The following LILRB2 variants were observed in gnomAD, a reference collection of about 807,000 sequenced individuals.
LILRB2 encodes leukocyte immunoglobulin like receptor B2.
Under a neutral mutation model 72.7 loss-of-function variants are expected in LILRB2, and 47 were observed. That is an observed-to-expected ratio of 0.65 (90% confidence interval 0.51 to 0.82). The LOEUF is 0.82. LILRB2 is among the 40% of genes least tolerant of loss of function. LILRB2 has a pLI of 0.00. For missense variants in LILRB2, 767 were observed against 764.8 expected, an observed-to-expected ratio of 1.00 and a Z score of -0.03; for synonymous variants, 279 against 313.7, an observed-to-expected ratio of 0.89 and a Z score of 1.17.
In LILRB2 at chr19:54,274,481, T is replaced by C. The variant is rs2080121786; in HGVS notation, c.*202A>G. 3.1e-6 allele frequency: 3 copies of C among 959,240 alleles called. 1 individual carries two copies. The Admixed American group carries it at 8.8e-5, about 28-fold the overall frequency. The allele number at this position is 959,240 out of a possible 1,614,324, so 59.4% of individuals were successfully genotyped here. Reference sequence around the variant, plus strand: ...AACTCATTGATTATTGAGAAGTCTGTTGCTTTAATTAAAAAATGTAGGGAT... The same window carrying C: ...AACTCATTGATTATTGAGAAGTCTGCTGCTTTAATTAAAAAATGTAGGGAT... On this transcript the variant is annotated 3_prime_UTR_variant, in exon 14 of 14. Transcript: ENST00000314446.
At chr19:54,280,419 G>A (rs375763540) in intron 2 of LILRB2, 44 bp downstream of exon 2, 1 of 1,613,916 alleles carries the variant, frequency 6.2e-7, no homozygotes, top group Non-Finnish European at 8.5e-7. Flanking sequence ...TGTGGGGTGA[G>A]GTCCCTCCTA....
At position 54,278,838 on chromosome 19, in the gene LILRB2, C is replaced by T; in HGVS notation, c.929G>A (p.Ser310Asn). ...TGTGATCAGGATGTCCAGGGGGTCG[C>T]TGGGGGCCGAGCACTCAGAGGAGAG... ...HNLSSECSAPSDPLDILITGQ... is the reference protein window; with the variant it reads ...HNLSSECSAPNDPLDILITGQ... The change falls in exon 6 of 14, where the codon AGC becomes AAC. Residue 310 changes from serine to asparagine, a missense_variant. Ser to Asn is a conservative substitution (Grantham distance 46). Around this residue, in one of 3 missense-constraint regions of LILRB2, gnomAD observed 599 missense variants for 568.2 expected, o/e 1.05. Coordinates refer to ENST00000314446, the MANE Select transcript of LILRB2 (RefSeq NM_001080978.4). 6.2e-7 allele frequency: 1 copy of T among 1,612,882 alleles called. No individual in the cohort carries two copies. The highest frequency in any genetic ancestry group is 2.2e-5 in the East Asian group (1 of 44,886).
chr19:54,280,757 C>G, intron 1 of LILRB2: 1 of 779,184 alleles, frequency 1.3e-6, no homozygotes, highest in Non-Finnish European at 2.1e-6. Flanking sequence ...GTAATGGGGT[C>G]TTTCCTGACC....
At chr19:54,277,506 TC>T (rs1198299911) in intron 9 of LILRB2, 43 bp downstream of exon 9, 1 of 1,549,038 alleles carries the variant, frequency 6.5e-7, no homozygotes. Flanking sequence ...CACCCCTGCC[TC>T]CCCGGGACCC....
rs1373829951 is a variant in LILRB2, at chr19:54,275,005, G to A, written c.1648-176C>T. 32 of 1,609,350 alleles carry A rather than the reference G, an allele frequency of 2.0e-5. No individual in the cohort carries two copies. The South Asian group carries it at 3.5e-4, about 18-fold the overall frequency. On this transcript the variant is annotated intron_variant, in intron 13 of 13. Transcript: ENST00000314446. ...GGGAGGAGAGGCCATTTCTCTCCTA[G>A]GTCTGGAGTGTTTCACCGGGGCATA...
At position 54,278,371 on chromosome 19, in the gene LILRB2, T is replaced by C. The variant is rs749585545; in HGVS notation, c.1147A>G (p.Met383Val). The C allele has an allele frequency of 6.2e-7, 1 of 1,614,170 alleles. No individual in the cohort carries two copies. The highest frequency in any genetic ancestry group is 2.2e-5 in the East Asian group (1 of 44,876). Residue 383 changes from methionine (M) to valine (V), a missense_variant, in exon 7 of 14, where the codon ATG becomes GTG. Around this residue, in one of 3 missense-constraint regions of LILRB2, gnomAD observed 599 missense variants for 568.2 expected, o/e 1.05. Transcript: ENST00000314446. ...EYPKYQAEFP[M>V]SPVTSAHAGT... ...GCGTGGGCTGAGGTCACAGGACTCA[T>C]GGGGAATTCAGCCTGGTACTTAGGA...
At position 54,279,604 on chromosome 19, in the gene LILRB2, C is replaced by A. The variant is rs762219135; in HGVS notation, c.399G>T (p.Val133=). The change falls in exon 5 of 14, where the codon GTG becomes GTT. Residue 133 remains valine, a synonymous_variant. Transcript: ENST00000314446. The part of the protein sequence containing the change: ...KPTLSAQPSP[V]VTSGGRVTLQ... ...GGGTCACCCTTCCTCCTGAGGTCAC[C>A]ACAGGGCTGGGCTGGGCTGAGAGGG... 6.2e-7 allele frequency: 1 copy of A among 1,613,988 alleles called. No individual in the cohort carries two copies. The highest frequency in any genetic ancestry group is 1.3e-5 in the African/African-American group (1 of 74,896).
rs1411500675 is a variant in LILRB2 at position 54,278,208 on chromosome 19, A to T, written c.1258+52T>A. The T allele has an allele frequency of 2.5e-5, 40 of 1,604,320 alleles. 1 individual carries two copies. Among genetic ancestry groups the T allele is most frequent in the African/African-American group, 6.7e-5 (5 of 74,664 alleles). ...CCAGCCCAGAGCTCTCCTGGGGGGC[A>T]GGGCCTGAGCTGAGCCTTTGAGCTC... is the stretch of plus-strand genomic sequence containing the variant. On this transcript the variant is annotated intron_variant, in intron 7 of 13. Coordinates refer to ENST00000314446, the MANE Select transcript of LILRB2 (RefSeq NM_001080978.4).
intron 10 of LILRB2, 76 bp downstream of exon 10, chr19:54,276,731 A>T (rs1447029937): frequency 6.5e-7 from 1 of 1,549,724 alleles, no homozygotes; most frequent in Admixed American, 2.0e-5. Flanking sequence ...GCATTTGCCC[A>T]GTGGTTTGGA....
At position 54,277,873 on chromosome 19, in the gene LILRB2, G is replaced by A; in HGVS notation, c.1309+16C>T. Reference sequence around the variant, plus strand: ...GTCGCTGCGCTCCCTTCGAGCCAGAGGCCTCAGGGACTCACCAGGTGTGGA... The same window carrying A: ...GTCGCTGCGCTCCCTTCGAGCCAGAAGCCTCAGGGACTCACCAGGTGTGGA... On this transcript the variant is annotated intron_variant, in intron 8 of 13. Transcript: ENST00000314446. 6.5e-7 allele frequency: 1 copy of A among 1,544,824 alleles called. No individual in the cohort carries two copies. The highest frequency in any genetic ancestry group is 8.8e-7 in the Non-Finnish European group (1 of 1,140,820).
rs545485327 is a variant in LILRB2, at chr19:54,274,360, G to C, written c.*323C>G. 2 of 289,390 alleles carry C rather than the reference G, an allele frequency of 6.9e-6. No homozygotes were observed. Among genetic ancestry groups the C allele is most frequent in the East Asian group, 1.2e-4 (2 of 16,020 alleles). The allele number at this position is 289,390 out of a possible 1,614,324, so 17.9% of individuals were successfully genotyped here. On this transcript the variant is annotated 3_prime_UTR_variant, in exon 14 of 14. Coordinates refer to ENST00000314446, the MANE Select transcript of LILRB2 (RefSeq NM_001080978.4). ...TTCGTTTCTACTTTTTTCATTTGTG[G>C]TTTGTACTTTTTCAATTTCATTGTG...
In LILRB2 at chr19:54,279,875, C is replaced by T. The variant is rs1022457451; in HGVS notation, c.271G>A (p.Glu91Lys). Residue 91 changes from glutamate to lysine, a missense_variant, in exon 4 of 14, where the codon GAA becomes AAA. Physicochemically the swap from Glu to Lys is moderately conservative, Grantham distance 56 (BLOSUM62 1). Around this residue, in one of 3 missense-constraint regions of LILRB2, gnomAD observed 599 missense variants for 568.2 expected, o/e 1.05. Coordinates refer to ENST00000314446, the MANE Select transcript of LILRB2 (RefSeq NM_001080978.4). ...TGACAGCCATATCGCCCTGTGTGTT[C>T]CCAGGTGATGGATGGGATGTGGAAC... ...GQFHIPSITW[E>K]HTGRYGCQYY... is the part of the protein sequence containing the mutation. The T allele has an allele frequency of 4.3e-6, 7 of 1,613,962 alleles. No individual in the cohort carries two copies. The East Asian group carries it at 1.6e-4, about 36-fold the overall frequency.
At chr19:54,275,178 C>G in intron 13 of LILRB2, 2 of 1,430,666 alleles carry the variant, frequency 1.4e-6, no homozygotes, top group Non-Finnish European at 1.9e-6. Flanking sequence ...GATGGAATCT[C>G]AGGGACGCCC....
At chr19:54,277,624 G>A (rs2080302671) in intron 8 of LILRB2, 27 bp from the exon 9 acceptor site, 8 of 1,556,078 alleles carry the variant, frequency 5.1e-6, no homozygotes, top group Non-Finnish European at 7.0e-6. Context: ...GGGAGGTGAG[G>A]GCTGGGGCTG....
rs1391136314 is a variant in LILRB2, at chr19:54,275,941, G to A, written c.1647+10C>T. The A allele has an allele frequency of 4.3e-6, 7 of 1,613,862 alleles. No individual in the cohort carries two copies. The highest frequency in any genetic ancestry group is 1.7e-5 in the Admixed American group (1 of 60,000). On this transcript the variant is annotated intron_variant, in intron 13 of 13. Coordinates refer to ENST00000314446, the MANE Select transcript of LILRB2 (RefSeq NM_001080978.4). ...GGCCTTTGGTGCCTGGGACAGGGGCGGGGTCTCACCCGAGTGTCCATCTCC... is the reference window on the plus strand; with the variant it reads ...GGCCTTTGGTGCCTGGGACAGGGGCAGGGTCTCACCCGAGTGTCCATCTCC...
In LILRB2 at chr19:54,278,578, A is replaced by G. The variant is rs776701423; in HGVS notation, c.956-16T>C. ...CGGATCTGTCCTGGAGAGAAGAAGG[A>G]TGGGTGAGGGGCTGCCCCACCTTGC... On this transcript the variant is annotated splice_polypyrimidine_tract_variant and intron_variant, in intron 6 of 13. Transcript: ENST00000314446. 6.2e-7 allele frequency: 1 copy of G among 1,612,406 alleles called. No individual in the cohort carries two copies.
chr19:54,278,083 G>A (rs544522754), intron 7 of LILRB2, 144 bp from the exon 8 acceptor site: 56 of 1,117,864 alleles, frequency 5.0e-5, no homozygotes, highest in African/African-American at 1.4e-4. Context: ...TGGCGATGCC[G>A]CTGAGTGTGC....
At position 54,278,779 on chromosome 19, in the gene LILRB2, T is replaced by G. The variant is rs1014029546; in HGVS notation, c.955+33A>C. On this transcript the variant is annotated intron_variant, in intron 6 of 13. Transcript: ENST00000314446. ...CCCCCGGCAGGGCCTGTGCAGAGTC[T>G]GGGTCCCTGACTGAACCCGCTGGGC... 4 of 1,609,130 alleles carry G rather than the reference T, an allele frequency of 2.5e-6. No homozygotes were observed. In the African/African-American group the frequency reaches 4.0e-5, roughly 16 times the overall value.
chr19:54,276,957 G>T (rs1481587568), intron 9 of LILRB2, 28 bp from the exon 10 acceptor site: 1 of 1,603,646 alleles, frequency 6.2e-7, no homozygotes, highest in Non-Finnish European at 8.5e-7. Flanking sequence ...CAGGGATGGG[G>T]GTGATGTCAT....
Sources: gnomAD v4.1 joint callset for allele counts on GRCh38, gnomAD v4.1.1 for gene constraint, gnomAD v4.1.1 regional missense constraint, MANE v1.5 for transcripts, NCBI Gene and HGNC (gene_info 2026-07-23, HGNC 2026-07-21) for gene names.